DCLRE1C: variants seen among roughly 807,000 people sequenced by gnomAD.
DCLRE1C encodes the protein protein artemis.
A neutral mutation model predicts 61.4 loss-of-function variants in DCLRE1C; 47 were observed. That is an observed-to-expected ratio of 0.77 (90% confidence interval 0.61 to 0.98). The LOEUF (loss-of-function observed/expected upper bound fraction) is 0.98, where lower values mean the gene tolerates loss of function less well. Among genes scored for constraint, DCLRE1C ranks in the 50% least tolerant of loss-of-function variants. The pLI, the probability that DCLRE1C is intolerant of heterozygous loss-of-function variation, is 0.00. For synonymous variants in DCLRE1C, 337 were observed against 287.6 expected (o/e 1.17, Z -1.74); for missense variants, 858 against 816.0 (o/e 1.05, Z -0.63).
chr10:14,943,664 T>C (rs1165919447), intron 3 of DCLRE1C, among the ~76,000 whole-genome samples: 2 of 152,198 alleles, frequency 1.3e-5, no homozygotes, highest in African/African-American at 4.8e-5. Context: ...GCGATTCTCC[T>C]GCCTCAGCAT....
At chr10:14,915,846 C>G (rs1178665394) in intron 13 of DCLRE1C, among the ~76,000 whole-genome samples, 1 of 152,102 alleles carries the variant, frequency 6.6e-6, no homozygotes, top group Non-Finnish European at 1.5e-5. Context: ...AACTCCAGAT[C>G]AATATCCCTT....
downstream of DCLRE1C, among the ~76,000 whole-genome samples, chr10:14,900,141 A>G (rs1313697661): frequency 1.3e-5 from 2 of 152,178 alleles, no homozygotes; most frequent in Non-Finnish European, 2.9e-5. Context: ...TTTGTAGAGT[A>G]TTTATGTAGG....
rs1834253958 is a variant in DCLRE1C at position 14,904,762 on chromosome 10, C to G, written c.*3646G>C. On this transcript the variant is annotated 3_prime_UTR_variant, in exon 14 of 14. Coordinates refer to ENST00000378278, the MANE Select transcript of DCLRE1C (RefSeq NM_001033855.3). The stretch of plus-strand genomic sequence containing the variant: ...ATTAAGGGGTTTAACTATTTTAAGT[C>G]AACATTTAGCTTATCCATCATATTG... Among the ~76,000 whole-genome samples, 1 of 152,034 alleles carries G rather than the reference C, an allele frequency of 6.6e-6. No homozygotes were observed. The highest frequency in any genetic ancestry group is 1.5e-5 in the Non-Finnish European group (1 of 68,010).
chr10:14,915,472 T>C (rs1836021748), intron 13 of DCLRE1C, among the ~76,000 whole-genome samples: 1 of 151,948 alleles, frequency 6.6e-6, no homozygotes, highest in African/African-American at 2.4e-5. Context: ...TATCAGTAGA[T>C]TCTACAGATA....
Position 14,909,038 on chromosome 10 carries a change from A to G in DCLRE1C, c.1449T>C (p.Asp483=), listed in dbSNP as rs2131776650. ...ATACTTCCCACTGGGGTACATCCCC[A>G]TCAGCCTTTTGCAGGTGAAGTACAG... The part of the protein sequence containing the change: ...LGSVLHLQKA[D]GDVPQWEVFF... Residue 483 remains aspartate, a synonymous_variant, in exon 14 of 14, where the codon GAT becomes GAC. Transcript: ENST00000378278. The G allele has an allele frequency of 3.7e-6, 6 of 1,614,164 alleles. No individual in the cohort carries two copies. Among genetic ancestry groups the G allele is most frequent in the Non-Finnish European group, 5.1e-6 (6 of 1,180,006 alleles).
At chr10:14,950,275 G>A (rs367987234) in intron 1 of DCLRE1C, among the ~76,000 whole-genome samples, 1 of 151,446 alleles carries the variant, frequency 6.6e-6, no homozygotes, top group Non-Finnish European at 1.5e-5. Flanking sequence ...CGAAGGCAGA[G>A]GTTGCGGTGA....
At chr10:14,911,656 A>G (rs935805507) in intron 13 of DCLRE1C, among the ~76,000 whole-genome samples, 1 of 152,244 alleles carries the variant, frequency 6.6e-6, no homozygotes, top group African/African-American at 2.4e-5. Context: ...GCTTCAAGAC[A>G]CCATCAAGAA....
Position 14,934,518 on chromosome 10 carries a change from C to G in DCLRE1C, c.540G>C (p.Glu180Asp), listed in dbSNP as rs779759909. 7.4e-6 allele frequency: 12 copies of G among 1,614,140 alleles called. No homozygotes were observed. In the East Asian group the frequency reaches 2.7e-4, roughly 36 times the overall value. The change falls in exon 8 of 14, where the codon GAG (glutamate) becomes GAC (aspartate). Residue 180 changes from glutamate to aspartate, a missense_variant and splice_region_variant. Transcript: ENST00000378278. ...GCTCTAAGACTCCACTTAAACACTC[C>G]TCCTAGACAGGATTTTAAAGAGACA... ...DPRFYQIPSR[E>D]ECLSGVLELV...
chr10:14,936,104 G>A (rs1247645054), intron 5 of DCLRE1C, among the ~76,000 whole-genome samples: 11 of 151,988 alleles, frequency 7.2e-5, no homozygotes, highest in Non-Finnish European at 1.3e-4. Flanking sequence ...ATGTTGGCCA[G>A]GCTGGTCTTG....
At chr10:14,933,007 A>C (rs752131401) in intron 8 of DCLRE1C, 52 bp from the exon 9 acceptor site, 19 of 1,594,754 alleles carry the variant, frequency 1.2e-5, no homozygotes, top group Non-Finnish European at 1.6e-5. Context: ...TTTCCTATAA[A>C]TTGTTCAAGG....
At chr10:14,954,189 G>C, upstream of DCLRE1C, 1 of 999,280 alleles carries the variant, frequency 1.0e-6, no homozygotes, top group Non-Finnish European at 1.5e-6. Flanking sequence ...ATCCGGTCGG[G>C]TTCTAGGCGC....
chr10:14,938,531 T>C (rs1289023931), intron 4 of DCLRE1C, among the ~76,000 whole-genome samples: 2 of 151,980 alleles, frequency 1.3e-5, no homozygotes, highest in African/African-American at 2.4e-5. Flanking sequence ...CAGTGTGCTA[T>C]AATCAAGCAA....
chr10:14,953,791 C>T lies in DCLRE1C; in HGVS notation c.109+111G>A, dbSNP rs562122978. 1.5e-5 allele frequency: 22 copies of T among 1,498,730 alleles called. No homozygotes were observed. In the African/African-American group the frequency reaches 1.7e-4, roughly 11 times the overall value. The allele number at this position is 1,498,730 out of a possible 1,614,324, so 92.8% of individuals were successfully genotyped here. A position where few individuals can be genotyped will look rare whatever the true frequency, so the allele number is the denominator to read the frequency against. On this transcript the variant is annotated intron_variant, in intron 1 of 13. Transcript: ENST00000378278. Reference sequence around the variant, plus strand: ...TGGGACAAGGCGTGTGCTGGCCGCCCCCTCGCTGGCTTCCCACAGGCTGCA... The same window carrying T: ...TGGGACAAGGCGTGTGCTGGCCGCCTCCTCGCTGGCTTCCCACAGGCTGCA...
At chr10:14,947,897 G>A (rs895512561) in intron 2 of DCLRE1C, among the ~76,000 whole-genome samples, 3 of 151,924 alleles carry the variant, frequency 2.0e-5, no homozygotes, top group Middle Eastern at 3.4e-3. Context: ...CCTCTCTACC[G>A]AAAATACAAA....
chr10:14,901,356 A>C, downstream of DCLRE1C: 1 of 1,509,328 alleles, frequency 6.6e-7, no homozygotes, highest in Non-Finnish European at 9.0e-7. Flanking sequence ...AACCAAACCT[A>C]ATACTAAAGA....
chr10:14,934,276 C>T (rs373452588), intron 8 of DCLRE1C, 104 bp downstream of exon 8: 37 of 1,507,838 alleles, frequency 2.5e-5, no homozygotes, highest in East Asian at 4.7e-5. Context: ...TGCAGTGAGC[C>T]GAGGTCGCGT....
intron 9 of DCLRE1C, among the ~76,000 whole-genome samples, chr10:14,929,264 C>T (rs1354432516): frequency 6.6e-6 from 1 of 151,988 alleles, no homozygotes; most frequent in Admixed American, 6.6e-5. Flanking sequence ...ACTAGCCAGG[C>T]ATGGTGGCGC....
chr10:14,945,599 T>C, intron 2 of DCLRE1C: 1 of 1,011,948 alleles, frequency 9.9e-7, no homozygotes. Flanking sequence ...ACACTACCTC[T>C]GGAAAAGGTG....
At chr10:14,944,935 A>G (rs1290570414) in intron 3 of DCLRE1C, among the ~76,000 whole-genome samples, 170 bp downstream of exon 3, 1 of 151,998 alleles carries the variant, frequency 6.6e-6, no homozygotes, top group Non-Finnish European at 1.5e-5. Context: ...AAGGCCTCCC[A>G]AAGTGCTGGG....
Sources: allele counts gnomAD v4.1 joint callset (sites outside exome capture counted in the v4.1 genomes callset), GRCh38; gene constraint gnomAD v4.1.1; transcripts MANE v1.5; gene names NCBI Gene and HGNC (gene_info 2026-07-23, HGNC 2026-07-21).